Variants in MYH15 observed in about 807,000 individuals in gnomAD.
The protein encoded by MYH15 is myosin heavy chain 15.
In MYH15, 227 loss-of-function variants were observed where a neutral mutation model predicts 240.5. The observed-to-expected ratio is 0.94, with a 90% confidence interval of 0.85 to 1.05. The LOEUF is 1.05. Ranked by LOEUF, MYH15 falls within the 50% of genes least tolerant of loss-of-function variation. The pLI, the probability that MYH15 is intolerant of heterozygous loss-of-function variation, is 0.00. For synonymous variants in MYH15, 785 were observed against 796.7 expected, an observed-to-expected ratio of 0.99 and a Z score of 0.25; for missense variants, 2,217 against 2,247.5, an observed-to-expected ratio of 0.99 and a Z score of 0.27.
chr3:108,542,170 T>A, the MYH15 span, among the ~76,000 whole-genome samples: 1 of 152,166 alleles, frequency 6.6e-6, no homozygotes, highest in African/African-American at 2.4e-5. Flanking sequence ...GATAGTTCCG[T>A]GTGTCCATTG....
the MYH15 span, among the ~76,000 whole-genome samples, chr3:108,545,641 T>C: frequency 6.6e-6 from 1 of 151,958 alleles, no homozygotes; most frequent in African/African-American, 2.4e-5. Context: ...AAAAAGTCAA[T>C]TATAATTTCA....
At chr3:108,470,880 G>T in intron 12 of MYH15, 33 bp from the exon 13 acceptor site, 1 of 1,606,670 alleles carries the variant, frequency 6.2e-7, no homozygotes, top group South Asian at 1.1e-5. Context: ...TCCTTCATCT[G>T]ACTGAAGTGT....
At chr3:108,504,366 A>G (rs1010942403) in intron 2 of MYH15, among the ~76,000 whole-genome samples, 1 of 152,216 alleles carries the variant, frequency 6.6e-6, no homozygotes, top group Non-Finnish European at 1.5e-5. Flanking sequence ...CTGAAGAGTT[A>G]AATAACATCT....
At chr3:108,382,898 C>T (rs747761159) in intron 40 of MYH15, among the ~76,000 whole-genome samples, 12 of 152,166 alleles carry the variant, frequency 7.9e-5, no homozygotes, top group African/African-American at 2.2e-4. Flanking sequence ...AGCCAGACCT[C>T]GTTTAAAAAC....
At chr3:108,540,093 C>G in the MYH15 span, among the ~76,000 whole-genome samples, 2 of 152,146 alleles carry the variant, frequency 1.3e-5, no homozygotes, top group Non-Finnish European at 2.9e-5. Context: ...ATGATACATT[C>G]ATTTCAGAAA....
In MYH15 at chr3:108,473,762, C is replaced by T. The variant is rs562007478; in HGVS notation, c.1233+2635G>A. Reference sequence around the variant, plus strand: ...AGAAATATCATGGAATCATAAAATACTAGACCTGAAGATCCTTAGTTCTTG... The same window carrying T: ...AGAAATATCATGGAATCATAAAATATTAGACCTGAAGATCCTTAGTTCTTG... On this transcript the variant is annotated intron_variant, in intron 12 of 40. Coordinates refer to ENST00000693548, the MANE Select transcript of MYH15 (RefSeq NM_014981.3). 2.0e-5 allele frequency among the ~76,000 whole-genome samples: 3 copies of T among 152,282 alleles called. No individual in the cohort carries two copies. In the East Asian group the frequency reaches 5.8e-4, roughly 29 times the overall value.
upstream of MYH15, among the ~76,000 whole-genome samples, chr3:108,531,342 T>C (rs1278496871): frequency 1.3e-5 from 2 of 152,112 alleles, no homozygotes; most frequent in Non-Finnish European, 2.9e-5. Flanking sequence ...ATGGCTTCAT[T>C]CCAAGAGAGT....
intron 18 of MYH15, 86 bp downstream of exon 18, chr3:108,459,276 C>A: frequency 1.2e-6 from 1 of 841,020 alleles, no homozygotes; most frequent in Non-Finnish European, 1.8e-6. Flanking sequence ...TAAAAGGCAC[C>A]AATAAATATT....
chr3:108,535,286 C>T, the MYH15 span, among the ~76,000 whole-genome samples: 2 of 151,678 alleles, frequency 1.3e-5, no homozygotes, highest in Non-Finnish European at 2.9e-5. Flanking sequence ...ATTTATTTCT[C>T]ACAGCTTTGG....
chr3:108,414,258 C>T lies in MYH15; in HGVS notation c.4119G>A (p.Gln1373=). 1.2e-6 allele frequency: 2 copies of T among 1,614,164 alleles called. No homozygotes were observed. Among genetic ancestry groups the T allele is most frequent in the Non-Finnish European group, 1.7e-6 (2 of 1,180,008 alleles). The change falls in exon 30 of 41, where the codon CAG becomes CAA. Residue 1373 remains glutamine (Q), a synonymous_variant. Coordinates refer to ENST00000693548, the MANE Select transcript of MYH15 (RefSeq NM_014981.3). ...TGGCATCCTCCAAGTCTTCTGTTCT[C>T]TGGATGACATTGTTTTCATACTTCA... is the stretch of plus-strand genomic sequence containing the variant. ...WRMKYENNVI[Q]RTEDLEDAKK...
At chr3:108,545,694 TACAC>T in the MYH15 span, among the ~76,000 whole-genome samples, 5 of 149,152 alleles carry the variant, frequency 3.4e-5, no homozygotes, top group South Asian at 2.1e-4. Flanking sequence ...AATATACACA[TACAC>T]ACACACACAC....
At chr3:108,437,393 A>C (rs2082847765) in intron 25 of MYH15, among the ~76,000 whole-genome samples, 161 bp downstream of exon 25, 1 of 148,122 alleles carries the variant, frequency 6.8e-6, no homozygotes, top group South Asian at 2.2e-4. Context: ...CTATAAAATA[A>C]AGTCCAGTAA....
the MYH15 span, among the ~76,000 whole-genome samples, chr3:108,547,198 T>C: frequency 6.6e-6 from 1 of 152,024 alleles, no homozygotes; most frequent in African/African-American, 2.4e-5. Flanking sequence ...GAGACGTGTG[T>C]CACTTTGTTG....
At chr3:108,451,503 T>C (rs976843507) in intron 21 of MYH15, among the ~76,000 whole-genome samples, 1 of 152,132 alleles carries the variant, frequency 6.6e-6, no homozygotes, top group African/African-American at 2.4e-5. Context: ...AATATCTCAT[T>C]AGACATGTAA....
intron 14 of MYH15, among the ~76,000 whole-genome samples, chr3:108,467,282 A>C (rs1292878883): frequency 6.6e-6 from 1 of 151,592 alleles, no homozygotes; most frequent in Non-Finnish European, 1.5e-5. Flanking sequence ...ATGTGCATAC[A>C]AGATACAACT....
the MYH15 span, among the ~76,000 whole-genome samples, chr3:108,537,896 T>C: frequency 1.3e-5 from 2 of 152,154 alleles, no homozygotes; most frequent in Non-Finnish European, 2.9e-5. Flanking sequence ...ACTACAGTCT[T>C]GTTTCTCAAA....
chr3:108,469,634 G>A (rs1330994044), intron 14 of MYH15, among the ~76,000 whole-genome samples: 2 of 152,198 alleles, frequency 1.3e-5, no homozygotes, highest in Admixed American at 1.3e-4. Context: ...TTGTTTGCAT[G>A]CTAATTTGCC....
Position 108,476,423 on chromosome 3 carries a change from CAT to C in MYH15, c.1205_1206del (p.Tyr402CysfsTer23), listed in dbSNP as rs764061984. 2 of 1,609,876 alleles carry C rather than the reference CAT, an allele frequency of 1.2e-6. No homozygotes were observed. The highest frequency in any genetic ancestry group is 8.5e-7 in the Non-Finnish European group (1 of 1,176,380). ...TGTTCTATAGTTTGACCTCTGGTAA[CAT>C]ATTCGTTACCAACTTTGATTCTAGG... is the stretch of plus-strand genomic sequence containing the variant. ...IHPRIKVGNE[Y>X]VTRGQTIEQV... is the part of the protein sequence containing the mutation. On this transcript the variant is annotated frameshift_variant, in exon 12 of 41. Transcript: ENST00000693548. LOFTEE classifies it high-confidence loss of function.
At chr3:108,411,295 A>G (rs2082591324) in intron 30 of MYH15, among the ~76,000 whole-genome samples, 1 of 152,202 alleles carries the variant, frequency 6.6e-6, no homozygotes, top group Non-Finnish European at 1.5e-5. Flanking sequence ...CACCCTACCA[A>G]CAGTAAGCAC....
Sources: allele counts gnomAD v4.1 joint callset (sites outside exome capture counted in the v4.1 genomes callset), GRCh38; gene constraint gnomAD v4.1.1; transcripts MANE v1.5; gene names NCBI Gene and HGNC (gene_info 2026-07-23, HGNC 2026-07-21).